The following NCKAP5L variants were observed in gnomAD, a reference collection of about 807,000 sequenced individuals.
NCKAP5L encodes nck-associated protein 5-like.
Under a neutral mutation model 103.2 loss-of-function variants are expected in NCKAP5L, and 54 were observed. That is an observed-to-expected ratio of 0.52 (90% CI 0.42 to 0.66). The LOEUF is 0.66. Ranked by LOEUF, NCKAP5L falls within the 30% of genes least tolerant of loss-of-function variation. The probability of loss-of-function intolerance (pLI) is 0.00; values close to 1 mark genes in which losing one functional copy is unlikely to be tolerated. For missense variants in NCKAP5L, 1,733 were observed against 1,750.6 expected (o/e 0.99, Z 0.18); for synonymous variants, 762 against 748.6 (o/e 1.02, Z -0.29).
Position 49,797,012 on chromosome 12 carries a change from G to C in NCKAP5L, c.848C>G (p.Ala283Gly). 6.3e-7 allele frequency: 1 copy of C among 1,581,904 alleles called. No individual in the cohort carries two copies. Among genetic ancestry groups the C allele is most frequent in the Non-Finnish European group, 8.6e-7 (1 of 1,164,626 alleles). ...GTTTGGGCCAGAGCTGGTGCCCTGG[G>C]CCTGAGGAGGTCCCCTGCTAGGACC... is the stretch of plus-strand genomic sequence containing the variant. ...PWGPSRGPPQ[A>G]QGTSSGPNCA... is the part of the protein sequence containing the mutation. Residue 283 changes from alanine (A) to glycine (G), a missense_variant, in exon 8 of 13, where the codon GCC becomes GGC. Coordinates refer to ENST00000335999, the MANE Select transcript of NCKAP5L (RefSeq NM_001037806.4). This position sits in a 1 kb window ranked among gnomAD's most constrained non-coding sequence, Gnocchi z 4.5.
chr12:49,797,333 G>A lies in NCKAP5L; in HGVS notation c.527C>T (p.Ala176Val), dbSNP rs772806213. Residue 176 changes from alanine (A) to valine (V), a missense_variant, in exon 8 of 13, where the codon GCG becomes GTG. By Grantham distance (64) the Ala-to-Val change is moderately conservative (BLOSUM62 0). Transcript: ENST00000335999. This position sits in a 1 kb window ranked among gnomAD's most constrained non-coding sequence, Gnocchi z 4.5. ...AAGGAACGGGGATAGGGCATCCAGC[G>A]CTGGGGGTGGGGCGGCTGGGGGGCC... is the stretch of plus-strand genomic sequence containing the variant. ...GPGPPAAPPPALDALSPFLRK... is the reference protein window; with the variant it reads ...GPGPPAAPPPVLDALSPFLRK... The A allele has an allele frequency of 1.6e-5, 25 of 1,612,568 alleles. No homozygotes were observed. The highest frequency in any genetic ancestry group is 5.3e-5 in the African/African-American group (4 of 74,998).
chr12:49,809,586 C>G (rs956980454), intron 1 of NCKAP5L, among the ~76,000 whole-genome samples: 2 of 152,174 alleles, frequency 1.3e-5, no homozygotes, highest in African/African-American at 4.8e-5. Context: ...CAGCTGCTTT[C>G]TGGAATCCCT....
chr12:49,820,105 A>T (rs1030012704), intron 1 of NCKAP5L, among the ~76,000 whole-genome samples: 1 of 152,198 alleles, frequency 6.6e-6, no homozygotes, highest in Non-Finnish European at 1.5e-5. Flanking sequence ...GGGCATAACC[A>T]GAGACACATG....
intron 1 of NCKAP5L, among the ~76,000 whole-genome samples, chr12:49,820,736 AC>A (rs35594572): frequency 6.6e-6 from 1 of 152,090 alleles, no homozygotes; most frequent in African/African-American, 2.4e-5. Flanking sequence ...CAGAGGTGAC[AC>A]CCCAAGCTGT....
rs755112006 is a variant in NCKAP5L at position 49,796,347 on chromosome 12, C to T, written c.1513G>A (p.Gly505Ser). Residue 505 changes from glycine (G) to serine (S), a missense_variant, in exon 8 of 13, where the codon GGT becomes AGT. Transcript: ENST00000335999. ...GGGGACAGCTCTCCTCCACCCAGAC[C>T]CCTTCGGGCCAACAGTGGGGAGGGG... The part of the protein sequence containing the change: ...GSPSPLLARR[G>S]LGGGELSPEG... The T allele has an allele frequency of 1.3e-5, 21 of 1,562,648 alleles. No individual in the cohort carries two copies. The East Asian group carries it at 4.5e-4, about 34-fold the overall frequency.
chr12:49,796,044 T>C lies in NCKAP5L; in HGVS notation c.1816A>G (p.Ser606Gly). ...EVLRSPGVPPSPCLPESYPYG... is the reference protein window; with the variant it reads ...EVLRSPGVPPGPCLPESYPYG... ...GGGTACGATTCTGGGAGGCAAGGAC[T>C]GGGGGGTACTCCAGGGCTTCTGAGG... Residue 606 changes from serine (S) to glycine (G), a missense_variant, in exon 8 of 13, where the codon AGT becomes GGT. Ser to Gly is a moderately conservative substitution (Grantham distance 56, BLOSUM62 0). Transcript: ENST00000335999. 1 of 1,567,136 alleles carries C rather than the reference T, an allele frequency of 6.4e-7. No homozygotes were observed. The highest frequency in any genetic ancestry group is 1.2e-5 in the South Asian group (1 of 83,332).
At chr12:49,812,835 G>C (rs1032562896) in intron 1 of NCKAP5L, among the ~76,000 whole-genome samples, 2 of 152,102 alleles carry the variant, frequency 1.3e-5, no homozygotes, top group Non-Finnish European at 2.9e-5. Flanking sequence ...CATCCCCAGG[G>C]GATTGGATCT....
chr12:49,803,724 C>T (rs1419885464), intron 3 of NCKAP5L, among the ~76,000 whole-genome samples, 198 bp downstream of exon 3: 7 of 152,178 alleles, frequency 4.6e-5, no homozygotes, highest in Non-Finnish European at 2.9e-5. Context: ...GTCACTGGGC[C>T]GGGCAGCTAA....
rs778166052 is a variant in NCKAP5L, at chr12:49,803,099, C to T, written c.190G>A (p.Glu64Lys). ...AGTCCCACTACAGACCCACAGACCT[C>T]GTCCAGACAGCGCTCATAAGTCTCC... ...QRETYERCLDEVANHVVQALL... is the reference protein window; with the variant it reads ...QRETYERCLDKVANHVVQALL... Residue 64 changes from glutamate to lysine, a missense_variant and splice_region_variant, in exon 4 of 13, where the codon GAG becomes AAG. By Grantham distance (56) the Glu-to-Lys change is moderately conservative. Coordinates refer to ENST00000335999, the MANE Select transcript of NCKAP5L (RefSeq NM_001037806.4). The T allele has an allele frequency of 3.7e-6, 6 of 1,614,136 alleles. No individual in the cohort carries two copies. Among genetic ancestry groups the T allele is most frequent in the Admixed American group, 1.7e-5 (1 of 60,012 alleles).
Position 49,794,605 on chromosome 12 carries a change from A to ACCCCC in NCKAP5L, c.3095+155_3095+159dup, listed in dbSNP as rs1555147580. ...ATCTTTCCTCCAGGCCAAGTCACTG[A>ACCCCC]CCCCCCCACCAGCTGCTTTGGTGGC... is the stretch of plus-strand genomic sequence containing the variant. On this transcript the variant is annotated intron_variant, in intron 8 of 12. Transcript: ENST00000335999. Among the ~76,000 whole-genome samples, 226 of 115,990 alleles carry ACCCCC rather than the reference A, an allele frequency of 1.9e-3. 9 individuals carry two copies. The highest frequency in any genetic ancestry group is 0.012 in the East Asian group (47 of 3,934). The allele number at this position is 115,990 out of a possible 152,430, so 76.1% of individuals were successfully genotyped here. A position where few individuals can be genotyped will look rare whatever the true frequency, so the allele number is the denominator to read the frequency against.
In NCKAP5L at chr12:49,796,170, G is replaced by C. The variant is rs764426987; in HGVS notation, c.1690C>G (p.Arg564Gly). 1 of 1,609,880 alleles carries C rather than the reference G, an allele frequency of 6.2e-7. No individual in the cohort carries two copies. The highest frequency in any genetic ancestry group is 1.7e-5 in the Admixed American group (1 of 59,438). The change falls in exon 8 of 13, where the codon CGG becomes GGG. Residue 564 changes from arginine (R) to glycine (G), a missense_variant. Transcript: ENST00000335999. ...GGGGAAGGCCCCCTAAAGGTGCTCCGAGAAAGGTCCAGAATGTTCTCATAG... is the reference window on the plus strand; with the variant it reads ...GGGGAAGGCCCCCTAAAGGTGCTCCCAGAAAGGTCCAGAATGTTCTCATAG... ...PCYENILDLS[R>G]STFRGPSPEP...
At chr12:49,803,785 G>T in intron 3 of NCKAP5L, 137 bp downstream of exon 3, 1 of 1,163,188 alleles carries the variant, frequency 8.6e-7, no homozygotes, top group Non-Finnish European at 1.2e-6. Flanking sequence ...TGTTCTGCTA[G>T]CCTCCTGCCT....
In NCKAP5L at chr12:49,796,166, C is replaced by G; in HGVS notation, c.1694G>C (p.Ser565Thr). 6.2e-7 allele frequency: 1 copy of G among 1,610,308 alleles called. No homozygotes were observed. The highest frequency in any genetic ancestry group is 8.5e-7 in the Non-Finnish European group (1 of 1,178,524). Residue 565 changes from serine to threonine, a missense_variant, in exon 8 of 13, where the codon AGC becomes ACC. By Grantham distance (58) the Ser-to-Thr change is moderately conservative (BLOSUM62 1). Coordinates refer to ENST00000335999, the MANE Select transcript of NCKAP5L (RefSeq NM_001037806.4). ...CYENILDLSR[S>T]TFRGPSPEPP... ...CTCTGGGGAAGGCCCCCTAAAGGTG[C>G]TCCGAGAAAGGTCCAGAATGTTCTC...
At position 49,826,219 on chromosome 12, in the gene NCKAP5L, G is replaced by A. The variant is rs573013193; in HGVS notation, c.-99+2103C>T. ...CTCCTATAAGAGGGCGGGTGGGTGA[G>A]TATGTTGTGCTCCCTGGCCCAGATC... On this transcript the variant is annotated intron_variant, in intron 1 of 12. Coordinates refer to ENST00000335999, the MANE Select transcript of NCKAP5L (RefSeq NM_001037806.4). Among the ~76,000 whole-genome samples the A allele has an allele frequency of 2.6e-5, 4 of 152,256 alleles. No individual in the cohort carries two copies. The South Asian group carries it at 6.2e-4, about 24-fold the overall frequency.
Position 49,798,422 on chromosome 12 carries a change from G to A in NCKAP5L, c.393C>T (p.Ala131=), listed in dbSNP as rs1467697043. 15 of 1,581,740 alleles carry A rather than the reference G, an allele frequency of 9.5e-6. No homozygotes were observed. The East Asian group carries it at 3.5e-4, about 36-fold the overall frequency. ...TPLQPPSEPP[A]SPSLSSTEGP... is the part of the protein sequence containing the mutation. Reference sequence around the variant, plus strand: ...CCTCAGTGGAGCTCAGGGAGGGGGAGGCTGGTGGCTCTGATGGTGGCTGGA... The same window carrying A: ...CCTCAGTGGAGCTCAGGGAGGGGGAAGCTGGTGGCTCTGATGGTGGCTGGA... Residue 131 remains alanine, a synonymous_variant, in exon 7 of 13, where the codon GCC becomes GCT. Coordinates refer to ENST00000335999, the MANE Select transcript of NCKAP5L (RefSeq NM_001037806.4).
intron 1 of NCKAP5L, among the ~76,000 whole-genome samples, chr12:49,813,713 A>G (rs1024288282): frequency 6.6e-6 from 1 of 152,020 alleles, no homozygotes; most frequent in Non-Finnish European, 1.5e-5. Context: ...TTTTTAGTAG[A>G]GATGGGGTTT....
At chr12:49,824,117 G>A (rs1946390230) in intron 1 of NCKAP5L, among the ~76,000 whole-genome samples, 1 of 152,180 alleles carries the variant, frequency 6.6e-6, no homozygotes, top group Non-Finnish European at 1.5e-5. Flanking sequence ...TGTGTCCCAA[G>A]CTCCCTCCTA....
At chr12:49,793,458 T>C (rs557305169) in intron 9 of NCKAP5L, 25 bp from the exon 10 acceptor site, 17 of 1,605,268 alleles carry the variant, frequency 1.1e-5, no homozygotes, top group Middle Eastern at 1.6e-4. Context: ...GGAGACCTCA[T>C]AGTCCACTCC....
At chr12:49,812,473 G>A (rs1308153009) in intron 1 of NCKAP5L, among the ~76,000 whole-genome samples, 2 of 151,258 alleles carry the variant, frequency 1.3e-5, no homozygotes, top group African/African-American at 4.9e-5. Context: ...AACCTCCGCC[G>A]CTCAGGTTCA....
Sources: gnomAD v4.1 joint callset for allele counts (sites outside exome capture counted in the v4.1 genomes callset) on GRCh38, gnomAD v4.1.1 for gene constraint, Gnocchi (gnomAD v3.1) non-coding constraint, MANE v1.5 for transcripts, NCBI Gene and HGNC (gene_info 2026-07-23, HGNC 2026-07-21) for gene names.